NAE1: variants seen among roughly 807,000 people sequenced by gnomAD.
NAE1 encodes the protein NEDD8-activating enzyme E1 regulatory subunit.
Under a neutral mutation model 88.0 loss-of-function variants are expected in NAE1, and 59 were observed. The ratio of observed to expected loss-of-function variants is 0.67; its 90% CI spans 0.54 to 0.83. The LOEUF (loss-of-function observed/expected upper bound fraction) is 0.83. Ranked by LOEUF, NAE1 falls within the 40% of genes least tolerant of loss-of-function variation. The pLI is 0.00. For synonymous variants in NAE1, 186 were observed against 208.9 expected, an observed-to-expected ratio of 0.89 and a Z score of 0.95; for missense variants, 554 against 632.8, an observed-to-expected ratio of 0.88 and a Z score of 1.34.
chr16:66,826,533 C>G lies in NAE1; in HGVS notation c.208G>C (p.Ala70Pro), dbSNP rs1014792978. Residue 70 changes from alanine (A) to proline (P), a missense_variant, in exon 3 of 20, where the codon GCT (alanine) becomes CCT (proline). Ala to Pro is a conservative substitution (Grantham distance 27). Coordinates refer to ENST00000290810, the MANE Select transcript of NAE1 (RefSeq NM_003905.4). ...IDGNQVSGEDAGNNFFLQRSS... is the reference protein window; with the variant it reads ...IDGNQVSGEDPGNNFFLQRSS... ...GAGAATAGAACATACTTGTTTCCAG[C>G]ATCTTCTCCGCTGACCTGATTTCCA... 2.0e-5 allele frequency: 33 copies of G among 1,613,980 alleles called. No homozygotes were observed. Among genetic ancestry groups the G allele is most frequent in the Non-Finnish European group, 2.6e-5 (31 of 1,180,032 alleles).
chr16:66,828,491 A>C (rs1241955153), intron 1 of NAE1, among the ~76,000 whole-genome samples: 1 of 136,840 alleles, frequency 7.3e-6, no homozygotes, highest in Admixed American at 7.3e-5. Context: ...ACTCCGTCTC[A>C]AAAAAAAAAA....
Position 66,805,830 on chromosome 16 carries a change from AAGG to A in NAE1, c.1446-7_1446-5del. On this transcript the variant is annotated splice_polypyrimidine_tract_variant and splice_region_variant and intron_variant, in intron 18 of 19. Coordinates refer to ENST00000290810, the MANE Select transcript of NAE1 (RefSeq NM_003905.4). ...CTCAGCAGCTCCATATCGGCAACTA[AAGG>A]AGACCACAGAGACATGAATTTTGAT... The A allele has an allele frequency of 6.4e-7, 1 of 1,554,434 alleles. No homozygotes were observed. The highest frequency in any genetic ancestry group is 2.3e-5 in the East Asian group (1 of 43,840).
At chr16:66,824,115 CA>C (rs113301859) in intron 4 of NAE1, among the ~76,000 whole-genome samples, 2,382 of 152,212 alleles carry the variant, frequency 0.016, 55 homozygotes, top group South Asian at 0.095. Context: ...CCAGAGTTCT[CA>C]AATGACATTA....
At chr16:66,824,684 C>T in intron 4 of NAE1, 171 bp downstream of exon 4, 1 of 568,946 alleles carries the variant, frequency 1.8e-6, no homozygotes, top group South Asian at 2.2e-5. Flanking sequence ...AGACAGTACA[C>T]CTCTAAGTTC....
chr16:66,819,252 T>C (rs1960162233), intron 7 of NAE1, among the ~76,000 whole-genome samples: 1 of 152,168 alleles, frequency 6.6e-6, no homozygotes, highest in Non-Finnish European at 1.5e-5. Context: ...CCTCCTCTTG[T>C]GGTCTTCAAT....
chr16:66,810,154 T>C (rs887192221), intron 15 of NAE1, among the ~76,000 whole-genome samples: 5 of 152,178 alleles, frequency 3.3e-5, no homozygotes, highest in African/African-American at 7.2e-5. Flanking sequence ...CTTTTTAGCA[T>C]TGCCACAGAT....
rs377680125 is a variant in NAE1, at chr16:66,818,589, T to C, written c.560A>G (p.Lys187Arg). 2.8e-4 allele frequency: 445 copies of C among 1,613,254 alleles called. No individual in the cohort carries two copies. The highest frequency in any genetic ancestry group is 3.7e-4 in the Non-Finnish European group (434 of 1,179,788). The change falls in exon 8 of 20, where the codon AAG (lysine) becomes AGG (arginine). Residue 187 changes from lysine (K) to arginine (R), a missense_variant. Coordinates refer to ENST00000290810, the MANE Select transcript of NAE1 (RefSeq NM_003905.4). ...DNALEDLRLDKPFPELREHFQ... is the reference protein window; with the variant it reads ...DNALEDLRLDRPFPELREHFQ... ...ATGTTCTCTCAGTTCAGGAAATGGC[T>C]TATCTAGTCGTAGATCCTCTAATGC...
At position 66,821,552 on chromosome 16, in the gene NAE1, G is replaced by C. The variant is rs750949188; in HGVS notation, c.409C>G (p.Leu137Val). The change falls in exon 7 of 20, where the codon CTA (leucine) becomes GTA (valine). Residue 137 changes from leucine to valine, a missense_variant. Physicochemically the swap from Leu to Val is conservative, Grantham distance 32 (BLOSUM62 1). Transcript: ENST00000290810. ...TTCCAGAGGACATCTGCTAAGCGTAGTGAAGTGCTGTTTAAAAAAAAAAAG... is the reference window on the plus strand; with the variant it reads ...TTCCAGAGGACATCTGCTAAGCGTACTGAAGTGCTGTTTAAAAAAAAAAAG... ...VATQLPESTS[L>V]RLADVLWNSQ... is the part of the protein sequence containing the mutation. 3.2e-6 allele frequency: 5 copies of C among 1,572,084 alleles called. No individual in the cohort carries two copies. Among genetic ancestry groups the C allele is most frequent in the Non-Finnish European group, 4.3e-6 (5 of 1,165,914 alleles).
chr16:66,819,736 T>G (rs568799419), intron 7 of NAE1, among the ~76,000 whole-genome samples: 54 of 152,334 alleles, frequency 3.5e-4, no homozygotes, highest in African/African-American at 1.3e-3. Flanking sequence ...GCATTTCTGA[T>G]TTTGGATTTT....
chr16:66,812,101 A>C (rs757572968), intron 13 of NAE1, among the ~76,000 whole-genome samples: 1 of 152,176 alleles, frequency 6.6e-6, no homozygotes, highest in Non-Finnish European at 1.5e-5. Flanking sequence ...TAACTTATGA[A>C]ACATTAAGAT....
intron 17 of NAE1, among the ~76,000 whole-genome samples, chr16:66,807,640 A>C (rs1959621067): frequency 7.5e-6 from 1 of 132,854 alleles, no homozygotes; most frequent in African/African-American, 2.5e-5. Flanking sequence ...ACTCCGTCTC[A>C]AAAGAAAAAA....
chr16:66,804,734 G>A (rs1959493767), intron 19 of NAE1, among the ~76,000 whole-genome samples: 1 of 152,114 alleles, frequency 6.6e-6, no homozygotes, highest in African/African-American at 2.4e-5. Flanking sequence ...CCTTTGGTAG[G>A]TGATTAGGTC....
At position 66,805,516 on chromosome 16, in the gene NAE1, G is replaced by A. The variant is rs1959528221; in HGVS notation, c.1495+261C>T. 4 of 358,098 alleles carry A rather than the reference G, an allele frequency of 1.1e-5. No homozygotes were observed. The Admixed American group carries it at 1.9e-4, about 17-fold the overall frequency. The allele number at this position is 358,098 out of a possible 1,614,324, so 22.2% of individuals were successfully genotyped here. A position where few individuals can be genotyped will look rare whatever the true frequency, so the allele number is the denominator to read the frequency against. On this transcript the variant is annotated intron_variant, in intron 19 of 19. Coordinates refer to ENST00000290810, the MANE Select transcript of NAE1 (RefSeq NM_003905.4). ...TAGCCAGGCTTACTGGCACATGCCT[G>A]TAGTCCCAGCTATTCAGGAGGCGGA... is the stretch of plus-strand genomic sequence containing the variant.
intron 13 of NAE1, among the ~76,000 whole-genome samples, chr16:66,810,990 G>C (rs1316344019): frequency 6.6e-6 from 1 of 151,962 alleles, no homozygotes; most frequent in Non-Finnish European, 1.5e-5. Flanking sequence ...TAAAACCCAG[G>C]GTCCCTCTAA....
At chr16:66,804,606 A>G (rs1370274167) in intron 19 of NAE1, among the ~76,000 whole-genome samples, 4 of 152,230 alleles carry the variant, frequency 2.6e-5, no homozygotes, top group Non-Finnish European at 1.5e-5. Context: ...AGCTCAGTCT[A>G]CAGGAGATCA....
At chr16:66,806,881 A>G (rs77911281) in intron 17 of NAE1, among the ~76,000 whole-genome samples, 2 of 152,358 alleles carry the variant, frequency 1.3e-5, no homozygotes, top group East Asian at 3.9e-4. Context: ...TACTTAGCTC[A>G]TAAGTGATGC....
Position 66,805,837 on chromosome 16 carries a change from C to A in NAE1, c.1446-11G>T. 6.4e-7 allele frequency: 1 copy of A among 1,562,064 alleles called. No individual in the cohort carries two copies. On this transcript the variant is annotated splice_polypyrimidine_tract_variant and intron_variant, in intron 18 of 19. Transcript: ENST00000290810. ...GCTCCATATCGGCAACTAAAGGAGACCACAGAGACATGAATTTTGATTAGC... is the reference window on the plus strand; with the variant it reads ...GCTCCATATCGGCAACTAAAGGAGAACACAGAGACATGAATTTTGATTAGC...
chr16:66,808,653 G>T (rs1262136408), intron 16 of NAE1, 40 bp from the exon 17 acceptor site: 1 of 1,402,728 alleles, frequency 7.1e-7, no homozygotes. Flanking sequence ...TGGTTAATTT[G>T]CAATGTAACA....
At chr16:66,805,847 A>G (rs1959541841) in intron 18 of NAE1, 21 bp from the exon 19 acceptor site, 1 of 1,570,892 alleles carries the variant, frequency 6.4e-7, no homozygotes, top group South Asian at 1.2e-5. Flanking sequence ...CCACAGAGAC[A>G]TGAATTTTGA....
Sources: gnomAD v4.1 joint callset for allele counts (sites outside exome capture counted in the v4.1 genomes callset) on GRCh38, gnomAD v4.1.1 for gene constraint, MANE v1.5 for transcripts, NCBI Gene and HGNC (gene_info 2026-07-23, HGNC 2026-07-21) for gene names.